SLC24A4: variants seen among roughly 807,000 people sequenced by gnomAD.
The protein encoded by SLC24A4 is solute carrier family 24 member 4, also known as sodium/potassium/calcium exchanger 4.
A neutral mutation model predicts 79.0 loss-of-function variants in SLC24A4; 53 were observed. That is an observed-to-expected ratio of 0.67 (90% CI 0.54 to 0.84). SLC24A4 has a LOEUF of 0.84. Among genes scored for constraint, SLC24A4 ranks in the 40% least tolerant of loss-of-function variants. SLC24A4 has a pLI of 0.00. For synonymous variants in SLC24A4, 323 were observed against 323.8 expected, an observed-to-expected ratio of 1.00 and a Z score of 0.03; for missense variants, 731 against 822.0, an observed-to-expected ratio of 0.89 and a Z score of 1.35.
At chr14:92,323,078 G>C (rs1395669444), upstream of SLC24A4, 1 of 152,374 alleles carries the variant, frequency 6.6e-6, no homozygotes, top group Non-Finnish European at 1.5e-5. The surrounding 1 kb of genome is among the most constrained non-coding windows in gnomAD (Gnocchi z 4.9). Context: ...ACGAGTACAC[G>C]TGCTGGGAAG....
intron 13 of SLC24A4, 135 bp downstream of exon 13, chr14:92,482,981 C>G: frequency 1.2e-6 from 1 of 853,620 alleles, no homozygotes; most frequent in Non-Finnish European, 1.8e-6. Context: ...GCGTATTTCT[C>G]AGTAGAAAAG....
intron 2 of SLC24A4, among the ~76,000 whole-genome samples, chr14:92,421,448 A>T (rs532325301): frequency 3.9e-4 from 60 of 152,218 alleles, no homozygotes; most frequent in African/African-American, 1.4e-3. Flanking sequence ...TGGGCACCAT[A>T]TAAATGAGAT....
chr14:92,397,875 A>G (rs1166798069), intron 2 of SLC24A4, among the ~76,000 whole-genome samples: 1 of 152,232 alleles, frequency 6.6e-6, no homozygotes, highest in Non-Finnish European at 1.5e-5. Context: ...CAAATGACAT[A>G]CTGATATTTA....
intron 12 of SLC24A4, among the ~76,000 whole-genome samples, chr14:92,464,101 G>A (rs61977311): frequency 0.23 from 35,288 of 152,148 alleles, 4,237 homozygotes; most frequent in Middle Eastern, 0.39. Context: ...GGTTTTTTAA[G>A]AGACCAAATA....
chr14:92,461,067 C>T (rs61977310), intron 12 of SLC24A4, among the ~76,000 whole-genome samples: 9,963 of 152,244 alleles, frequency 0.065, 482 homozygotes, highest in Non-Finnish European at 0.097. Context: ...CGCCCTGAAA[C>T]GGTCGGCAAT....
intron 12 of SLC24A4, among the ~76,000 whole-genome samples, chr14:92,467,605 G>A (rs999893999): frequency 3.7e-4 from 56 of 152,244 alleles, no homozygotes; most frequent in Admixed American, 1.5e-3. Context: ...GGACACTGTC[G>A]ACCAAACAGA....
At chr14:92,419,968 A>G (rs1891187425) in intron 2 of SLC24A4, among the ~76,000 whole-genome samples, 1 of 152,184 alleles carries the variant, frequency 6.6e-6, no homozygotes, top group Non-Finnish European at 1.5e-5. Context: ...GTCCTTATAA[A>G]AAGTCCACGT....
chr14:92,492,586 C>T (rs985780655), intron 16 of SLC24A4, among the ~76,000 whole-genome samples: 3 of 152,158 alleles, frequency 2.0e-5, no homozygotes, highest in Non-Finnish European at 4.4e-5. Context: ...CAGGATGGCA[C>T]GTCGGAATAA....
intron 12 of SLC24A4, among the ~76,000 whole-genome samples, chr14:92,480,544 C>T (rs930993062): frequency 4.0e-5 from 6 of 151,480 alleles, no homozygotes; most frequent in African/African-American, 1.2e-4. Context: ...CCACCCGCCT[C>T]GGCCTCCCAA....
In SLC24A4 at chr14:92,490,509, A is replaced by C. The variant is rs1057265602; in HGVS notation, c.1538-1156A>C. Among the ~76,000 whole-genome samples the C allele has an allele frequency of 6.6e-6, 1 of 152,168 alleles. No individual in the cohort carries two copies. The highest frequency in any genetic ancestry group is 6.5e-5 in the Admixed American group (1 of 15,282). Reference sequence around the variant, plus strand: ...CCTTCAGAAACTACCAGAGCATACAATCCGATATCCTGTGATTCCCAGGCA... The same window carrying C: ...CCTTCAGAAACTACCAGAGCATACACTCCGATATCCTGTGATTCCCAGGCA... On this transcript the variant is annotated intron_variant, in intron 14 of 16. Coordinates refer to ENST00000532405, the MANE Select transcript of SLC24A4 (RefSeq NM_153646.4). The surrounding 1 kb of genome is among the most constrained non-coding windows in gnomAD (Gnocchi z 4.3).
intron 11 of SLC24A4, among the ~76,000 whole-genome samples, chr14:92,455,456 A>T (rs900760272): frequency 6.6e-6 from 1 of 152,258 alleles, no homozygotes; most frequent in African/African-American, 2.4e-5. Context: ...TCATGCAACA[A>T]GCTGGGTGAA....
intron 2 of SLC24A4, among the ~76,000 whole-genome samples, chr14:92,404,360 T>C (rs1199459983): frequency 6.6e-6 from 1 of 152,192 alleles, no homozygotes; most frequent in Non-Finnish European, 1.5e-5. Context: ...AGACCTTTTA[T>C]AGTGCAAATA....
intron 2 of SLC24A4, among the ~76,000 whole-genome samples, chr14:92,386,302 A>C (rs539908012): frequency 1.3e-5 from 2 of 152,222 alleles, no homozygotes; most frequent in South Asian, 4.1e-4. Context: ...ACCCTGAGCA[A>C]GTCACCCACA....
At chr14:92,374,450 G>T (rs1888385814) in intron 2 of SLC24A4, among the ~76,000 whole-genome samples, 1 of 152,210 alleles carries the variant, frequency 6.6e-6, no homozygotes. Flanking sequence ...GCGGAGTAAA[G>T]TCACAAAGCT....
rs146696661 is a variant in SLC24A4 at position 92,389,939 on chromosome 14, C to T, written c.242-43973C>T. ...AGCATCCTCTGCAGCTTGTTCTCTT[C>T]CGTCTTGTTTGGTTTCTTGACTTGC... On this transcript the variant is annotated intron_variant, in intron 2 of 16. Transcript: ENST00000532405. Among the ~76,000 whole-genome samples the T allele has an allele frequency of 3.8e-3, 586 of 152,302 alleles. 2 individuals are homozygous for T. The highest frequency in any genetic ancestry group is 6.1e-3 in the Non-Finnish European group (412 of 68,028).
At chr14:92,479,692 G>A (rs554215916) in intron 12 of SLC24A4, among the ~76,000 whole-genome samples, 5 of 152,228 alleles carry the variant, frequency 3.3e-5, no homozygotes, top group African/African-American at 7.2e-5. Flanking sequence ...CTTTGTCTGC[G>A]TTTGGTATCG....
At chr14:92,358,376 A>G (rs1028066778) in intron 2 of SLC24A4, among the ~76,000 whole-genome samples, 5 of 152,164 alleles carry the variant, frequency 3.3e-5, no homozygotes, top group Admixed American at 6.5e-5. Context: ...AGAGAGCACA[A>G]GTGGAAATCC....
intron 2 of SLC24A4, among the ~76,000 whole-genome samples, chr14:92,404,098 T>C (rs1247702939): frequency 6.6e-6 from 1 of 152,184 alleles, no homozygotes; most frequent in Non-Finnish European, 1.5e-5. Context: ...CTTACTGAAT[T>C]AACAGTGGCA....
chr14:92,473,049 G>A (rs925335039), intron 12 of SLC24A4, among the ~76,000 whole-genome samples: 7 of 152,188 alleles, frequency 4.6e-5, no homozygotes, highest in African/African-American at 1.4e-4. Flanking sequence ...GCCCCATGCG[G>A]CACACCCTGC....
Sources: gnomAD v4.1 joint callset for allele counts (sites outside exome capture counted in the v4.1 genomes callset) on GRCh38, gnomAD v4.1.1 for gene constraint, Gnocchi (gnomAD v3.1) non-coding constraint, MANE v1.5 for transcripts, NCBI Gene and HGNC (gene_info 2026-07-23, HGNC 2026-07-21) for gene names.